The following CATSPERT variants were observed in gnomAD, a reference collection of about 807,000 sequenced individuals.
CATSPERT encodes the protein cation channel sperm-associated targeting subunit tau.
At chr2:201,487,517 A>G in the CATSPERT span, 6 of 1,179,596 alleles carry the variant, frequency 5.1e-6, no homozygotes, top group Non-Finnish European at 7.1e-6. Flanking sequence ...TCTCCAAACC[A>G]TTTTGTTAAT....
At chr2:201,546,095 A>T in the CATSPERT span, among the ~76,000 whole-genome samples, 1 of 152,172 alleles carries the variant, frequency 6.6e-6, no homozygotes, top group Non-Finnish European at 1.5e-5. Context: ...CTGATCTTTT[A>T]AAAAGAACCC....
chr2:201,511,876 CTTCTT>C, the CATSPERT span: 10 of 114,932 alleles, frequency 8.7e-5, no homozygotes, highest in South Asian at 3.6e-4. Context: ...AAAAAAAACT[CTTCTT>C]TTAACTTCAA....
chr2:201,578,729 AAAAT>A, the CATSPERT span, among the ~76,000 whole-genome samples: 29 of 152,288 alleles, frequency 1.9e-4, no homozygotes, highest in African/African-American at 6.7e-4. Context: ...TGATCTTATA[AAAAT>A]AAATATTGAA....
At chr2:201,493,081 C>A in the CATSPERT span, 1 of 1,534,356 alleles carries the variant, frequency 6.5e-7, no homozygotes, top group South Asian at 1.2e-5. Context: ...TTGTCCTCTT[C>A]TTTCAGAATG....
the CATSPERT span, chr2:201,492,531 G>A: frequency 6.5e-7 from 1 of 1,535,936 alleles, no homozygotes; most frequent in South Asian, 1.2e-5. Flanking sequence ...AAGATATTGA[G>A]ACACTTTTAG....
At chr2:201,514,175 G>A in the CATSPERT span, among the ~76,000 whole-genome samples, 1 of 152,000 alleles carries the variant, frequency 6.6e-6, no homozygotes, top group Non-Finnish European at 1.5e-5. Flanking sequence ...ATACTGAAGG[G>A]GGGAGAATAT....
chr2:201,515,201 AGTTTTTTTTTTTTTTTT>A, the CATSPERT span, among the ~76,000 whole-genome samples: 503 of 70,262 alleles, frequency 7.2e-3, 93 homozygotes, highest in Admixed American at 0.02. Flanking sequence ...ATCTGCCCAT[AGTTTTTTTTTTTTTTTT>A]TTTTTTTTTT....
At chr2:201,500,882 A>G in the CATSPERT span, among the ~76,000 whole-genome samples, 3 of 152,340 alleles carry the variant, frequency 2.0e-5, no homozygotes, top group South Asian at 2.1e-4. Flanking sequence ...TTACAGTAGA[A>G]TAAAGCTAGA....
chr2:201,581,593 TAC>T, the CATSPERT span, among the ~76,000 whole-genome samples: 1,164 of 30,748 alleles, frequency 0.038, 190 homozygotes, highest in East Asian at 0.17. Context: ...TATATATATA[TAC>T]ACATACATAT....
chr2:201,491,220 C>T, the CATSPERT span: 1 of 1,537,712 alleles, frequency 6.5e-7, no homozygotes, highest in Non-Finnish European at 8.7e-7. Flanking sequence ...GAACAGACTT[C>T]TTTAGGTGAA....
At chr2:201,604,696 A>T in the CATSPERT span, 9 of 1,587,576 alleles carry the variant, frequency 5.7e-6, no homozygotes, top group African/African-American at 1.2e-4. Context: ...TTTTCTCAGC[A>T]TCTACAATGT....
chr2:201,597,352 C>A, the CATSPERT span, among the ~76,000 whole-genome samples: 1 of 152,210 alleles, frequency 6.6e-6, no homozygotes, highest in Non-Finnish European at 1.5e-5. Context: ...CCTGTACACA[C>A]CCAACTTATT....
chr2:201,608,451 A>C, the CATSPERT span, among the ~76,000 whole-genome samples: 1 of 152,162 alleles, frequency 6.6e-6, no homozygotes. Context: ...CCCTCGAGGA[A>C]TATTTTAATG....
chr2:201,588,339 G>A, the CATSPERT span, among the ~76,000 whole-genome samples: 25 of 151,782 alleles, frequency 1.6e-4, no homozygotes, highest in Admixed American at 1.1e-3. Flanking sequence ...TTGGTTTGAC[G>A]TATACAAATC....
the CATSPERT span, chr2:201,535,563 T>G: frequency 1.0e-6 from 1 of 1,000,862 alleles, no homozygotes; most frequent in Non-Finnish European, 1.2e-6. Flanking sequence ...TTCCTTTGAA[T>G]TTACATTTTG....
the CATSPERT span, among the ~76,000 whole-genome samples, chr2:201,521,878 C>T: frequency 6.2e-4 from 94 of 151,724 alleles, no homozygotes; most frequent in African/African-American, 2.1e-3. Context: ...ACAGAAAGAA[C>T]GAAAAAAACC....
At chr2:201,598,771 G>A in the CATSPERT span, among the ~76,000 whole-genome samples, 49 of 152,136 alleles carry the variant, frequency 3.2e-4, no homozygotes, top group East Asian at 6.8e-3. Flanking sequence ...TAGTAGAGAC[G>A]GGTTTCACCA....
the CATSPERT span, among the ~76,000 whole-genome samples, chr2:201,612,659 A>G: frequency 1.3e-5 from 2 of 151,900 alleles, no homozygotes; most frequent in African/African-American, 2.4e-5. Context: ...GTGACACAGA[A>G]GACAGGTGAT....
At chr2:201,589,475 G>A in the CATSPERT span, among the ~76,000 whole-genome samples, 2 of 152,034 alleles carry the variant, frequency 1.3e-5, no homozygotes, top group East Asian at 3.9e-4. Flanking sequence ...TCTGATCTTT[G>A]ACAAACCTGA....
Sources: allele counts gnomAD v4.1 joint callset (sites outside exome capture counted in the v4.1 genomes callset), GRCh38; gene constraint gnomAD v4.1.1; transcripts MANE v1.5; gene names NCBI Gene and HGNC (gene_info 2026-07-23, HGNC 2026-07-21).